Variants in NUDT4 observed in about 807,000 individuals in gnomAD.
The protein encoded by NUDT4 is diphosphoinositol polyphosphate phosphohydrolase 2.
A neutral mutation model predicts 23.1 loss-of-function variants in NUDT4; 5 were observed. The ratio of observed to expected loss-of-function variants is 0.22; its 90% CI spans 0.11 to 0.46. NUDT4 has a LOEUF of 0.46. Among genes scored for constraint, NUDT4 ranks in the 20% least tolerant of loss-of-function variants. NUDT4 has a pLI of 0.99. For synonymous variants in NUDT4, 50 were observed against 79.0 expected, an observed-to-expected ratio of 0.63 and a Z score of 1.95; for missense variants, 96 against 211.6, an observed-to-expected ratio of 0.45 and a Z score of 3.39.
chr12:93,398,948 A>AGGG, intron 4 of NUDT4, 93 bp downstream of exon 4: 1 of 950,954 alleles, frequency 1.1e-6, no homozygotes, highest in Non-Finnish European at 1.6e-6. Context: ...TTATCTGAAT[A>AGGG]CTCTTTGCTT....
At chr12:93,387,196 T>G (rs1373355321) in intron 1 of NUDT4, among the ~76,000 whole-genome samples, 1 of 152,198 alleles carries the variant, frequency 6.6e-6, no homozygotes, top group East Asian at 1.9e-4. Context: ...CCTCCCAAAG[T>G]GCTGGGATTA....
chr12:93,406,128 T>C lies in NUDT4; in HGVS notation c.*6749T>C, dbSNP rs7302414. 0.12 allele frequency: 18,713 copies of C among 150,876 alleles called. 3,726 individuals are homozygous for C. The highest frequency in any genetic ancestry group is 0.42 in the African/African-American group (17,315 of 41,124). 9.3% of individuals were successfully genotyped at this position (150,876 alleles called of 1,614,324 possible). On this transcript the variant is annotated 3_prime_UTR_variant, in exon 5 of 5. Transcript: ENST00000415493. ...CTAAAAATACAAAAAATTAGCCAGG[T>C]GTGGTGGCAGGTGTCTGTAGTCCCA... is the stretch of plus-strand genomic sequence containing the variant.
chr12:93,402,910 G>A lies in NUDT4; in HGVS notation c.*3531G>A, dbSNP rs558830999. ...CAAAGACCAACTGTAGAATCCTTAA[G>A]TCCTGTTCAAGTGTCACTTCATTTT... On this transcript the variant is annotated 3_prime_UTR_variant, in exon 5 of 5. Transcript: ENST00000415493. The A allele has an allele frequency of 1.3e-5, 2 of 152,184 alleles. No individual in the cohort carries two copies. Among genetic ancestry groups the A allele is most frequent in the South Asian group, 4.2e-4 (2 of 4,814 alleles). 9.4% of individuals were successfully genotyped at this position (152,184 alleles called of 1,614,324 possible). A position where few individuals can be genotyped will look rare whatever the true frequency, so the allele number is the denominator to read the frequency against.
chr12:93,404,692 C>G lies in NUDT4; in HGVS notation c.*5313C>G, dbSNP rs1877703163. The G allele has an allele frequency of 6.6e-6, 1 of 152,138 alleles. No individual in the cohort carries two copies. Among genetic ancestry groups the G allele is most frequent in the African/African-American group, 2.4e-5 (1 of 41,412 alleles). The allele number at this position is 152,138 out of a possible 1,614,324, so 9.4% of individuals were successfully genotyped here. A position where few individuals can be genotyped will look rare whatever the true frequency, so the allele number is the denominator to read the frequency against. On this transcript the variant is annotated 3_prime_UTR_variant, in exon 5 of 5. Coordinates refer to ENST00000415493, the MANE Select transcript of NUDT4 (RefSeq NM_019094.6). ...GCAGAACACTACTAGACAGAACTAC[C>G]TGTTTTATGCATGTATTGGCATACA...
intron 1 of NUDT4, among the ~76,000 whole-genome samples, chr12:93,388,072 A>G (rs1876236756): frequency 6.6e-6 from 1 of 152,154 alleles, no homozygotes. Context: ...TGTCACCATG[A>G]CATCTGTGTG....
intron 1 of NUDT4, among the ~76,000 whole-genome samples, chr12:93,393,768 A>G (rs1255326729): frequency 6.6e-6 from 1 of 152,272 alleles, no homozygotes; most frequent in Non-Finnish European, 1.5e-5. Context: ...AATGTGAAGG[A>G]TGCTTCTTGC....
intron 3 of NUDT4, among the ~76,000 whole-genome samples, chr12:93,396,891 TC>T (rs1276159803): frequency 7.2e-5 from 11 of 152,148 alleles, no homozygotes; most frequent in African/African-American, 2.7e-4. Context: ...GAAAAGTCGT[TC>T]AAGTAGAATT....
rs1426837548 is a variant in NUDT4 at position 93,406,529 on chromosome 12, T to C, written c.*7150T>C. The C allele has an allele frequency of 6.6e-6, 1 of 152,234 alleles. No individual in the cohort carries two copies. Among genetic ancestry groups the C allele is most frequent in the Admixed American group, 6.5e-5 (1 of 15,272 alleles). 9.4% of individuals were successfully genotyped at this position (152,234 alleles called of 1,614,324 possible). ...TTGTTTTACAAGTACATTCTTGGTC[T>C]AGAGTAAGGTTCTATATAGTTGGCC... is the stretch of plus-strand genomic sequence containing the variant. On this transcript the variant is annotated 3_prime_UTR_variant, in exon 5 of 5. Transcript: ENST00000415493.
At chr12:93,390,675 G>C (rs1339316534) in intron 1 of NUDT4, among the ~76,000 whole-genome samples, 1 of 152,080 alleles carries the variant, frequency 6.6e-6, no homozygotes, top group Non-Finnish European at 1.5e-5. Flanking sequence ...CATGATCACA[G>C]CTCACTGTAA....
intron 3 of NUDT4, among the ~76,000 whole-genome samples, chr12:93,398,281 G>C (rs569379826): frequency 2.0e-5 from 3 of 150,536 alleles, no homozygotes; most frequent in African/African-American, 4.9e-5. Flanking sequence ...CAGAGATTGT[G>C]GGGGAGCTGA....
At chr12:93,399,143 A>G (rs750725686) in intron 4 of NUDT4, 34 bp from the exon 5 acceptor site, 23 of 1,508,500 alleles carry the variant, frequency 1.5e-5, no homozygotes, top group Non-Finnish European at 1.9e-5. Flanking sequence ...TTTAAAATGG[A>G]CTGTCTTGTA....
chr12:93,394,987 T>C (rs899828173), intron 2 of NUDT4, among the ~76,000 whole-genome samples: 1 of 152,256 alleles, frequency 6.6e-6, no homozygotes, highest in East Asian at 1.9e-4. Flanking sequence ...TAGCTGGGAT[T>C]ACAGGCACGT....
chr12:93,385,941 T>TTA (rs371683658), intron 1 of NUDT4, among the ~76,000 whole-genome samples: 3,292 of 104,466 alleles, frequency 0.032, 57 homozygotes, highest in African/African-American at 0.04. Context: ...GTAAATCTTT[T>TTA]TATATATATA....
chr12:93,383,413 A>G (rs1318100566), intron 1 of NUDT4, among the ~76,000 whole-genome samples: 1 of 152,246 alleles, frequency 6.6e-6, no homozygotes. Context: ...GTTTCTAATA[A>G]CACGGCTGGC....
At position 93,378,138 on chromosome 12, in the gene NUDT4, G is replaced by T. The variant is rs986350225; in HGVS notation, c.-185G>T. On this transcript the variant is annotated 5_prime_UTR_variant, in exon 1 of 5. Coordinates refer to ENST00000415493, the MANE Select transcript of NUDT4 (RefSeq NM_019094.6). ...GTGACCCGCGCTAGCGTCCCGTCCCGCCCGCGTCGGAGCGGCCGCCGGCCC... is the reference window on the plus strand; with the variant it reads ...GTGACCCGCGCTAGCGTCCCGTCCCTCCCGCGTCGGAGCGGCCGCCGGCCC... 72 of 266,890 alleles carry T rather than the reference G, an allele frequency of 2.7e-4. No homozygotes were observed. Among genetic ancestry groups the T allele is most frequent in the Non-Finnish European group, 4.2e-4 (60 of 142,144 alleles). 16.5% of individuals were successfully genotyped at this position (266,890 alleles called of 1,614,324 possible).
At chr12:93,398,733 C>T in intron 3 of NUDT4, 38 bp from the exon 4 acceptor site, 1 of 1,418,730 alleles carries the variant, frequency 7.0e-7, no homozygotes, top group Non-Finnish European at 9.9e-7. Flanking sequence ...TGGCTAGCTC[C>T]TGTAGATTAA....
intron 1 of NUDT4, among the ~76,000 whole-genome samples, chr12:93,389,544 A>G (rs182311648): frequency 1.2e-4 from 19 of 152,288 alleles, no homozygotes; most frequent in African/African-American, 4.3e-4. Flanking sequence ...AGGGTTCCAT[A>G]TTACTCATTT....
At chr12:93,381,990 C>T (rs1274083365) in intron 1 of NUDT4, among the ~76,000 whole-genome samples, 1 of 152,214 alleles carries the variant, frequency 6.6e-6, no homozygotes, top group African/African-American at 2.4e-5. Context: ...AGGCAGGTGG[C>T]TCATGCCTGT....
At chr12:93,394,175 TTAG>T (rs1239278346) in intron 1 of NUDT4, among the ~76,000 whole-genome samples, 5 of 152,212 alleles carry the variant, frequency 3.3e-5, no homozygotes, top group Non-Finnish European at 7.3e-5. Context: ...GCTAATTTTT[TTAG>T]TAGAGACGGG....
Sources: gnomAD v4.1 joint callset for allele counts (sites outside exome capture counted in the v4.1 genomes callset) on GRCh38, gnomAD v4.1.1 for gene constraint, MANE v1.5 for transcripts, NCBI Gene and HGNC (gene_info 2026-07-23, HGNC 2026-07-21) for gene names.